GALNT2: variants seen among roughly 807,000 people sequenced by gnomAD.
GALNT2 encodes polypeptide N-acetylgalactosaminyltransferase 2, also known as UDP-GalNAc:polypeptide N-acetylgalactosaminyltransferase 2.
In GALNT2, 31 loss-of-function variants were observed where a neutral mutation model predicts 81.4. The observed-to-expected ratio is 0.38, with a 90% CI of 0.29 to 0.51. The LOEUF (loss-of-function observed/expected upper bound fraction) is 0.51. GALNT2 is among the 20% of genes least tolerant of loss of function. GALNT2 has a pLI of 0.87. For synonymous variants in GALNT2, 303 were observed against 287.4 expected (o/e 1.05, Z -0.55); for missense variants, 629 against 765.7 (o/e 0.82, Z 2.11).
chr1:230,155,289 G>T (rs1010664439), intron 1 of GALNT2, among the ~76,000 whole-genome samples: 1 of 152,244 alleles, frequency 6.6e-6, no homozygotes, highest in Middle Eastern at 3.4e-3. Context: ...CCTGTTCTTC[G>T]TTGGCTGCCT....
chr1:230,213,426 A>G (rs371949318), intron 3 of GALNT2, among the ~76,000 whole-genome samples: 1 of 152,202 alleles, frequency 6.6e-6, no homozygotes, highest in Non-Finnish European at 1.5e-5. Flanking sequence ...TTGTTTTACA[A>G]TATCAGTAGA....
chr1:230,164,200 T>C (rs1662526231), intron 1 of GALNT2, among the ~76,000 whole-genome samples: 1 of 152,208 alleles, frequency 6.6e-6, no homozygotes, highest in Non-Finnish European at 1.5e-5. Flanking sequence ...GTGGCATCAC[T>C]GTTGCTGTTA....
intron 15 of GALNT2, among the ~76,000 whole-genome samples, chr1:230,278,033 G>C (rs1306775653): frequency 6.6e-6 from 1 of 150,626 alleles, no homozygotes; most frequent in Non-Finnish European, 1.5e-5. Flanking sequence ...ACGAGCTTTG[G>C]GGAAGAAAAA....
chr1:230,237,113 G>A (rs571907829), intron 6 of GALNT2, among the ~76,000 whole-genome samples: 114 of 152,346 alleles, frequency 7.5e-4, no homozygotes, highest in African/African-American at 2.3e-3. Context: ...AAGTTTGACA[G>A]CCTGCTGAAG....
At position 230,210,851 on chromosome 1, in the gene GALNT2, A is replaced by C. The variant is rs191722833; in HGVS notation, c.374+7561A>C. Among the ~76,000 whole-genome samples the C allele has an allele frequency of 1.4e-4, 22 of 152,346 alleles. No homozygotes were observed. In the East Asian group the frequency reaches 4.2e-3, roughly 29 times the overall value. ...CAGTATTGATATCAGTTGTTTTAAG[A>C]GTGGCTAATCAGGATTAAGGATTGT... On this transcript the variant is annotated intron_variant, in intron 3 of 15. Transcript: ENST00000366672.
intron 2 of GALNT2, among the ~76,000 whole-genome samples, chr1:230,187,965 G>T (rs1226033639): frequency 6.6e-6 from 1 of 152,040 alleles, no homozygotes; most frequent in East Asian, 1.9e-4. Context: ...GGGCCGGGGT[G>T]GTTTTGGAAA....
chr1:230,141,242 C>T (rs138222211), intron 1 of GALNT2, among the ~76,000 whole-genome samples: 23 of 152,288 alleles, frequency 1.5e-4, no homozygotes, highest in South Asian at 6.2e-4. Context: ...CTTAACACTG[C>T]GCAGAAGGGA....
chr1:230,147,379 T>A (rs1225265514), intron 1 of GALNT2, among the ~76,000 whole-genome samples: 1 of 152,194 alleles, frequency 6.6e-6, no homozygotes, highest in Non-Finnish European at 1.5e-5. Context: ...CCGCCTACTT[T>A]GGGGTTAAGG....
At chr1:230,167,960 T>TCCC in intron 1 of GALNT2, among the ~76,000 whole-genome samples, 1 of 76,230 alleles carries the variant, frequency 1.3e-5, no homozygotes, top group African/African-American at 3.0e-5. Context: ...TTTTCTAAAA[T>TCCC]ACCCCCCCCT....
At chr1:230,092,184 T>TTTTTTTTTTTTTTTG (rs1553311877) in intron 1 of GALNT2, among the ~76,000 whole-genome samples, 11 of 119,608 alleles carry the variant, frequency 9.2e-5, no homozygotes, top group Admixed American at 3.6e-4. Flanking sequence ...TAGTTTTTTT[T>TTTTTTTTTTTTTTTG]TTTTTTTTTT....
At chr1:230,240,600 C>A (rs2102739465) in intron 6 of GALNT2, among the ~76,000 whole-genome samples, 1 of 151,924 alleles carries the variant, frequency 6.6e-6, no homozygotes, top group South Asian at 2.1e-4. Flanking sequence ...TCAGAAAATT[C>A]ATACTGTTGT....
chr1:230,217,531 T>C (rs1052398314), intron 3 of GALNT2, among the ~76,000 whole-genome samples: 1 of 152,212 alleles, frequency 6.6e-6, no homozygotes, highest in Non-Finnish European at 1.5e-5. Context: ...GGTAAGGGCA[T>C]TGGCTTTGTC....
At chr1:230,076,547 G>A (rs985805616) in intron 1 of GALNT2, among the ~76,000 whole-genome samples, 1 of 152,086 alleles carries the variant, frequency 6.6e-6, no homozygotes, top group Admixed American at 6.6e-5. Context: ...TGGCAATGTG[G>A]GTAACACTGA....
chr1:230,091,670 C>T (rs1660086404), intron 1 of GALNT2: 1 of 152,292 alleles, frequency 6.6e-6, no homozygotes, highest in Non-Finnish European at 1.5e-5. Context: ...TCCGGGCCAC[C>T]TCCATCAGCA....
chr1:230,280,416 CTT>C lies in GALNT2; in HGVS notation c.*962_*963del. The C allele has an allele frequency of 5.3e-6, 1 of 190,390 alleles. No homozygotes were observed. Among genetic ancestry groups the C allele is most frequent in the Non-Finnish European group, 1.1e-5 (1 of 89,408 alleles). The allele number at this position is 190,390 out of a possible 1,614,324, so 11.8% of individuals were successfully genotyped here. A position where few individuals can be genotyped will look rare whatever the true frequency, so the allele number is the denominator to read the frequency against. On this transcript the variant is annotated 3_prime_UTR_variant, in exon 16 of 16. Coordinates refer to ENST00000366672, the MANE Select transcript of GALNT2 (RefSeq NM_004481.5). ...TATTTTGACAGATATCACTTTGGGTCTTTTTACATTAAATTTCTTTTCTCTAA... is the reference window on the plus strand; with the variant it reads ...TATTTTGACAGATATCACTTTGGGTCTTTACATTAAATTTCTTTTCTCTAA...
intron 2 of GALNT2, among the ~76,000 whole-genome samples, chr1:230,185,716 C>T (rs1474856982): frequency 6.6e-6 from 1 of 152,218 alleles, no homozygotes; most frequent in African/African-American, 2.4e-5. Context: ...TCCCCTCTCA[C>T]TGTTGTAAGC....
intron 2 of GALNT2, among the ~76,000 whole-genome samples, chr1:230,180,494 ACACTGC>A (rs1663127345): frequency 6.6e-6 from 1 of 151,736 alleles, no homozygotes; most frequent in South Asian, 2.1e-4. Flanking sequence ...TGCCACTACC[ACACTGC>A]CTTGATTACC....
chr1:230,068,619 A>G (rs1158115303), intron 1 of GALNT2, among the ~76,000 whole-genome samples: 1 of 152,126 alleles, frequency 6.6e-6, no homozygotes, highest in East Asian at 1.9e-4. Context: ...CAGACCCCTA[A>G]ATGTCCACGC....
intron 2 of GALNT2, among the ~76,000 whole-genome samples, chr1:230,197,239 G>A (rs976630489): frequency 4.0e-5 from 6 of 150,906 alleles, no homozygotes; most frequent in South Asian, 2.1e-4. Flanking sequence ...AAGTGTAGAC[G>A]TAGGTGAAAT....
Sources: gnomAD v4.1 joint callset for allele counts (sites outside exome capture counted in the v4.1 genomes callset) on GRCh38, gnomAD v4.1.1 for gene constraint, MANE v1.5 for transcripts, NCBI Gene and HGNC (gene_info 2026-07-23, HGNC 2026-07-21) for gene names.